Variants in CELF4 observed in about 807,000 individuals in gnomAD.
The protein encoded by CELF4 is CUGBP Elav-like family member 4, also known as CUG-BP- and ETR-3-like factor 4.
A neutral mutation model predicts 59.9 loss-of-function variants in CELF4; 18 were observed. The ratio of observed to expected loss-of-function variants is 0.30; its 90% confidence interval spans 0.21 to 0.45. The LOEUF (loss-of-function observed/expected upper bound fraction) is 0.45, where lower values mean the gene tolerates loss of function less well. CELF4 is among the 20% of genes least tolerant of loss of function. The pLI is 1.00. For synonymous variants in CELF4, 261 were observed against 267.1 expected, an observed-to-expected ratio of 0.98 and a Z score of 0.22; for missense variants, 456 against 689.0, an observed-to-expected ratio of 0.66 and a Z score of 3.79.
intron 2 of CELF4, among the ~76,000 whole-genome samples, chr18:37,357,325 T>C (rs1399022796): frequency 1.3e-5 from 2 of 152,198 alleles, no homozygotes; most frequent in Non-Finnish European, 2.9e-5. Context: ...AGCGTAGAGC[T>C]CGGGCTGTGG....
chr18:37,348,133 T>A (rs928495342), intron 2 of CELF4, among the ~76,000 whole-genome samples: 1 of 152,124 alleles, frequency 6.6e-6, no homozygotes, highest in Admixed American at 6.5e-5. Flanking sequence ...TACCTCTGCA[T>A]TTTGCTCTTC....
At chr18:37,306,787 G>A (rs896140496) in intron 3 of CELF4, among the ~76,000 whole-genome samples, 3 of 152,166 alleles carry the variant, frequency 2.0e-5, no homozygotes, top group Admixed American at 1.3e-4. Context: ...CAGCGCTGAT[G>A]GTGCCACCAA....
intron 3 of CELF4, among the ~76,000 whole-genome samples, chr18:37,278,554 A>G (rs576655135): frequency 6.6e-6 from 1 of 152,288 alleles, no homozygotes; most frequent in Admixed American, 6.5e-5. Context: ...GATCTATGAA[A>G]TGGGTATGAT....
intron 2 of CELF4, among the ~76,000 whole-genome samples, chr18:37,458,672 G>A (rs532679183): frequency 1.3e-5 from 2 of 152,296 alleles, no homozygotes; most frequent in East Asian, 3.9e-4. Flanking sequence ...TTTAGAGCCT[G>A]TGCTGTTTGT....
At chr18:37,434,391 C>T (rs186705334) in intron 2 of CELF4, among the ~76,000 whole-genome samples, 454 of 152,218 alleles carry the variant, frequency 3.0e-3, no homozygotes, top group African/African-American at 0.01. Context: ...TTCCAAGGAC[C>T]GGAAGCCCAG....
intron 2 of CELF4, among the ~76,000 whole-genome samples, chr18:37,404,196 G>A (rs1024200586): frequency 1.3e-5 from 2 of 152,204 alleles, no homozygotes; most frequent in African/African-American, 4.8e-5. Context: ...AACTTGGAGA[G>A]GTTGAGGCAC....
intron 3 of CELF4, among the ~76,000 whole-genome samples, chr18:37,283,805 G>T (rs2094426255): frequency 1.3e-5 from 2 of 151,300 alleles, no homozygotes; most frequent in East Asian, 4.0e-4. Context: ...TGATCCATGG[G>T]CAGGGTTTGC....
rs918247687 is a variant in CELF4 at position 37,353,968 on chromosome 18, G to T, written c.370-32087C>A. 1.5e-3 allele frequency among the ~76,000 whole-genome samples: 225 copies of T among 152,116 alleles called. 1 individual carries two copies. Among genetic ancestry groups the T allele is most frequent in the Non-Finnish European group, 1.3e-3 (85 of 67,994 alleles). On this transcript the variant is annotated intron_variant, in intron 2 of 12. Transcript: ENST00000420428. Reference sequence around the variant, plus strand: ...GACGGTGTTTCACCGTGTTAGCCAGGATGGTCTCTATCTCCTGACTTCGTG... The same window carrying T: ...GACGGTGTTTCACCGTGTTAGCCAGTATGGTCTCTATCTCCTGACTTCGTG...
At chr18:37,352,906 G>A (rs2098471605) in intron 2 of CELF4, among the ~76,000 whole-genome samples, 1 of 152,154 alleles carries the variant, frequency 6.6e-6, no homozygotes. Flanking sequence ...GTGCCCGAAT[G>A]CACCAGAGGC....
intron 2 of CELF4, among the ~76,000 whole-genome samples, chr18:37,327,345 G>C (rs999205352): frequency 6.6e-6 from 1 of 152,138 alleles, no homozygotes; most frequent in African/African-American, 2.4e-5. Flanking sequence ...CTCCTTTCCT[G>C]GTCCTGGTAT....
intron 1 of CELF4, among the ~76,000 whole-genome samples, chr18:37,487,104 A>G (rs1203237954): frequency 1.3e-5 from 2 of 152,046 alleles, no homozygotes; most frequent in East Asian, 1.9e-4. Context: ...TATGGTACCT[A>G]TGTCAGCCCT....
intron 2 of CELF4, among the ~76,000 whole-genome samples, chr18:37,435,027 A>G (rs950827645): frequency 2.0e-5 from 3 of 152,110 alleles, no homozygotes; most frequent in African/African-American, 7.2e-5. Flanking sequence ...CAGGGGATGT[A>G]GGGAGGTCAC....
chr18:37,511,852 A>G (rs1287996695), intron 1 of CELF4, among the ~76,000 whole-genome samples: 1 of 151,988 alleles, frequency 6.6e-6, no homozygotes, highest in Non-Finnish European at 1.5e-5. Context: ...CTCTCCTACC[A>G]TGCTTACCCC....
chr18:37,307,349 T>C (rs1357542170), intron 3 of CELF4, among the ~76,000 whole-genome samples: 1 of 152,148 alleles, frequency 6.6e-6, no homozygotes, highest in Non-Finnish European at 1.5e-5. Context: ...AAAATGAATA[T>C]TTCTTTGTGA....
chr18:37,257,669 C>T (rs2070814511), intron 11 of CELF4, among the ~76,000 whole-genome samples: 1 of 152,180 alleles, frequency 6.6e-6, no homozygotes, highest in Non-Finnish European at 1.5e-5. Flanking sequence ...CCTCTCCCCT[C>T]CACCACCCCC....
At chr18:37,281,614 C>A (rs1447256960) in intron 3 of CELF4, among the ~76,000 whole-genome samples, 1 of 152,096 alleles carries the variant, frequency 6.6e-6, no homozygotes, top group Non-Finnish European at 1.5e-5. Context: ...TCAAAGGCAG[C>A]AGTTTGGGGG....
chr18:37,292,236 C>T (rs950548771), intron 3 of CELF4, among the ~76,000 whole-genome samples: 2 of 152,150 alleles, frequency 1.3e-5, no homozygotes, highest in Non-Finnish European at 2.9e-5. Context: ...AAATGGACTA[C>T]GACACTCCCA....
intron 2 of CELF4, among the ~76,000 whole-genome samples, chr18:37,422,495 T>C (rs74552123): frequency 0.023 from 3,543 of 152,204 alleles, 149 homozygotes; most frequent in African/African-American, 0.08. Context: ...GCCCTGCAAG[T>C]GTCAGGAATA....
intron 1 of CELF4, among the ~76,000 whole-genome samples, chr18:37,549,885 C>A (rs1381304986): frequency 2.6e-5 from 4 of 151,986 alleles, no homozygotes; most frequent in African/African-American, 9.7e-5. Flanking sequence ...GTGATCCATA[C>A]AATTATATAA....
Sources: allele counts gnomAD v4.1 joint callset (sites outside exome capture counted in the v4.1 genomes callset), GRCh38; gene constraint gnomAD v4.1.1; transcripts MANE v1.5; gene names NCBI Gene and HGNC (gene_info 2026-07-23, HGNC 2026-07-21).